The following FGF14 variants were observed in gnomAD, a reference collection of about 807,000 sequenced individuals.
The protein encoded by FGF14 is fibroblast growth factor 14.
Under a neutral mutation model 25.5 loss-of-function variants are expected in FGF14, and 5 were observed. The observed-to-expected ratio is 0.20, with a 90% CI of 0.10 to 0.41. The LOEUF is 0.41. FGF14 is among the 10% of genes least tolerant of loss of function. FGF14 has a pLI of 1.00. For synonymous variants in FGF14, 138 were observed against 118.3 expected (o/e 1.17, Z -1.08); for missense variants, 222 against 320.1 (o/e 0.69, Z 2.34).
intron 1 of FGF14, among the ~76,000 whole-genome samples, chr13:102,224,023 TA>T (rs921624409): frequency 6.6e-6 from 1 of 152,200 alleles, no homozygotes; most frequent in Admixed American, 6.5e-5. Flanking sequence ...GAAATGGCAT[TA>T]TTTTTCTATC....
chr13:102,190,580 T>C (rs896534050), intron 1 of FGF14, among the ~76,000 whole-genome samples: 18 of 152,204 alleles, frequency 1.2e-4, no homozygotes, highest in African/African-American at 3.9e-4. Flanking sequence ...TCCTTGGATC[T>C]GGGTGTGAGA....
intron 1 of FGF14, among the ~76,000 whole-genome samples, chr13:102,363,035 T>C (rs951033118): frequency 2.0e-5 from 3 of 152,146 alleles, no homozygotes; most frequent in African/African-American, 7.2e-5. Context: ...TATTAAACCA[T>C]TAAGGCATAA....
intron 1 of FGF14, among the ~76,000 whole-genome samples, chr13:102,131,393 A>C (rs2046189119): frequency 6.6e-6 from 1 of 152,134 alleles, no homozygotes; most frequent in Non-Finnish European, 1.5e-5. Context: ...AATTAGTGCA[A>C]ATGAAAGCTT....
chr13:102,373,662 C>G (rs1436327926), intron 1 of FGF14: 1 of 152,136 alleles, frequency 6.6e-6, no homozygotes, highest in East Asian at 1.9e-4. Context: ...AATTGGTGAG[C>G]TTGATTTGTG....
chr13:102,166,968 C>G (rs979060077), intron 1 of FGF14, among the ~76,000 whole-genome samples: 3 of 151,898 alleles, frequency 2.0e-5, no homozygotes, highest in African/African-American at 7.3e-5. Flanking sequence ...GTATTGCAAA[C>G]AGAGATAAAA....
chr13:101,726,580 C>A (rs1471347589), intron 4 of FGF14, 32 bp downstream of exon 4: 2 of 1,585,160 alleles, frequency 1.3e-6, no homozygotes, highest in Non-Finnish European at 1.7e-6. Context: ...TGTAATAAGT[C>A]TATGTAATAA....
chr13:102,095,160 A>T (rs188530065), intron 1 of FGF14, among the ~76,000 whole-genome samples: 51 of 152,320 alleles, frequency 3.3e-4, no homozygotes, highest in African/African-American at 1.1e-3. Flanking sequence ...ACTTCACAGG[A>T]ATTATGACAG....
intron 1 of FGF14, among the ~76,000 whole-genome samples, chr13:102,165,222 G>C (rs2140631488): frequency 6.6e-6 from 1 of 152,198 alleles, no homozygotes; most frequent in Non-Finnish European, 1.5e-5. Flanking sequence ...TGGTGGGACT[G>C]TAAACTAGTT....
At chr13:102,083,500 G>A (rs1201512033) in intron 1 of FGF14, among the ~76,000 whole-genome samples, 1 of 151,998 alleles carries the variant, frequency 6.6e-6, no homozygotes, top group Non-Finnish European at 1.5e-5. Flanking sequence ...ATGACAGATA[G>A]TAGACCCCCT....
At chr13:101,872,426 A>G (rs1486298727) in intron 2 of FGF14, among the ~76,000 whole-genome samples, 13 of 151,886 alleles carry the variant, frequency 8.6e-5, no homozygotes, top group Non-Finnish European at 1.9e-4. Flanking sequence ...TCCTCACAAC[A>G]AAAGAGCTGT....
rs1021277178 is a variant in FGF14, at chr13:101,710,820, C to T, written c.*12011G>A. The T allele has an allele frequency of 6.6e-6, 1 of 152,048 alleles. No homozygotes were observed. The highest frequency in any genetic ancestry group is 2.4e-5 in the African/African-American group (1 of 41,398). The allele number at this position is 152,048 out of a possible 1,614,324, so 9.4% of individuals were successfully genotyped here. A position where few individuals can be genotyped will look rare whatever the true frequency, so the allele number is the denominator to read the frequency against. On this transcript the variant is annotated 3_prime_UTR_variant, in exon 5 of 5. Transcript: ENST00000376143. ...ACCTCAGGAGACGATGAAGAAATAG[C>T]GTTTTATTTCTTTACAAATTTATAG...
intron 1 of FGF14, among the ~76,000 whole-genome samples, chr13:102,145,276 C>A (rs184499906): frequency 6.6e-6 from 1 of 152,220 alleles, no homozygotes; most frequent in Non-Finnish European, 1.5e-5. Context: ...GCATGAGACT[C>A]AATTCTAGCC....
At chr13:101,955,160 A>G (rs2036435536) in intron 1 of FGF14, among the ~76,000 whole-genome samples, 1 of 152,236 alleles carries the variant, frequency 6.6e-6, no homozygotes. Flanking sequence ...AGAATGAGCT[A>G]TGATCACTGC....
At chr13:101,892,092 T>G (rs1235447160) in intron 1 of FGF14, among the ~76,000 whole-genome samples, 1 of 152,146 alleles carries the variant, frequency 6.6e-6, no homozygotes, top group East Asian at 1.9e-4. Context: ...ATTTTCAAGA[T>G]GTCTAGAGTT....
chr13:101,857,827 T>C (rs559761542), intron 3 of FGF14, among the ~76,000 whole-genome samples: 2 of 152,102 alleles, frequency 1.3e-5, no homozygotes, highest in African/African-American at 2.4e-5. Context: ...CACACTATTG[T>C]TTCAATAGCT....
chr13:101,724,899 C>T (rs1456918411), intron 4 of FGF14, among the ~76,000 whole-genome samples: 1 of 151,510 alleles, frequency 6.6e-6, no homozygotes, highest in Non-Finnish European at 1.5e-5. Flanking sequence ...ACACACAAAA[C>T]ACTCATATAC....
intron 1 of FGF14, among the ~76,000 whole-genome samples, chr13:102,142,373 G>A (rs1307139326): frequency 6.6e-6 from 1 of 151,644 alleles, no homozygotes; most frequent in Non-Finnish European, 1.5e-5. Context: ...ACCTCCATCT[G>A]CAACAGCTGT....
At chr13:102,143,122 C>T (rs2046713274) in intron 1 of FGF14, among the ~76,000 whole-genome samples, 1 of 152,148 alleles carries the variant, frequency 6.6e-6, no homozygotes, top group Non-Finnish European at 1.5e-5. Flanking sequence ...ACCCACTTAT[C>T]CTCCCAGTGA....
chr13:102,044,930 C>T (rs1301385270), intron 1 of FGF14, among the ~76,000 whole-genome samples: 1 of 152,092 alleles, frequency 6.6e-6, no homozygotes, highest in Middle Eastern at 3.2e-3. Context: ...CTCTGACTTG[C>T]TACCATGGCC....
Sources: gnomAD v4.1 joint callset for allele counts (sites outside exome capture counted in the v4.1 genomes callset) on GRCh38, gnomAD v4.1.1 for gene constraint, MANE v1.5 for transcripts, NCBI Gene and HGNC (gene_info 2026-07-23, HGNC 2026-07-21) for gene names.